Variants in MED12L observed in about 807,000 individuals in gnomAD.
The protein encoded by MED12L is mediator complex subunit 12L, also known as mediator of RNA polymerase II transcription subunit 12-like protein.
Under a neutral mutation model 281.3 loss-of-function variants are expected in MED12L, and 60 were observed. That is an observed-to-expected ratio of 0.21 (90% CI 0.17 to 0.26). The LOEUF is 0.26. MED12L is among the 10% of genes least tolerant of loss of function. The pLI is 1.00. For synonymous variants in MED12L, 974 were observed against 987.2 expected (o/e 0.99, Z 0.25); for missense variants, 2,146 against 2,680.9 (o/e 0.80, Z 4.41).
In MED12L at chr3:151,202,408, C is replaced by T. The variant is rs374611330; in HGVS notation, c.2250+8742C>T. On this transcript the variant is annotated intron_variant, in intron 16 of 44. Transcript: ENST00000687756. Reference sequence around the variant, plus strand: ...TAAACTGGCTGGGCACAGTGGCTCACGCCTGTAATCCCAGCACTTTGGGAG... The same window carrying T: ...TAAACTGGCTGGGCACAGTGGCTCATGCCTGTAATCCCAGCACTTTGGGAG... Among the ~76,000 whole-genome samples the T allele has an allele frequency of 4.5e-4, 69 of 152,360 alleles. No homozygotes were observed. The South Asian group carries it at 0.013, about 29-fold the overall frequency.
At position 151,164,033 on chromosome 3, in the gene MED12L, C is replaced by G. The variant is rs1720356241; in HGVS notation, c.1248C>G (p.Phe416Leu). The change falls in exon 9 of 45, where the codon TTC becomes TTG. Residue 416 changes from phenylalanine (F) to leucine (L), a missense_variant. Physicochemically the swap from Phe to Leu is conservative, Grantham distance 22. Transcript: ENST00000687756. ...CCATGCCGGGTGGGAACACGGCTTT[C>G]AATCAGCAGGTAGACTTTATGTTTC... ...SLPMPGGNTAFNQQVRARIYE... is the reference protein window; with the variant it reads ...SLPMPGGNTALNQQVRARIYE... 6.2e-7 allele frequency: 1 copy of G among 1,613,086 alleles called. No homozygotes were observed. Among genetic ancestry groups the G allele is most frequent in the African/African-American group, 1.3e-5 (1 of 74,888 alleles).
At chr3:151,328,676 A>G (rs1265053963) in intron 16 of MED12L, 23 of 1,613,698 alleles carry the variant, frequency 1.4e-5, no homozygotes, top group Non-Finnish European at 1.9e-5. Flanking sequence ...GCCCACATAC[A>G]TGGTCTCATA....
At chr3:151,211,793 G>C (rs1051500003) in intron 16 of MED12L, among the ~76,000 whole-genome samples, 1 of 152,106 alleles carries the variant, frequency 6.6e-6, no homozygotes, top group South Asian at 2.1e-4. Context: ...GACTATCGGC[G>C]TATGCCACGA....
intron 21 of MED12L, among the ~76,000 whole-genome samples, chr3:151,362,315 CT>C (rs1244803502): frequency 6.6e-6 from 1 of 152,098 alleles, no homozygotes; most frequent in Non-Finnish European, 1.5e-5. Flanking sequence ...CCATCCCTAC[CT>C]AGCCTTCAAG....
intron 13 of MED12L, among the ~76,000 whole-genome samples, chr3:151,190,201 C>T (rs1440971219): frequency 6.8e-6 from 1 of 147,338 alleles, no homozygotes; most frequent in Non-Finnish European, 1.5e-5. Context: ...GATGGAGTTT[C>T]GCTCTTGTCG....
rs369960769 is a variant in MED12L at position 151,342,255 on chromosome 3, A to G, written c.2251-7804A>G. 2.3e-4 allele frequency among the ~76,000 whole-genome samples: 35 copies of G among 152,230 alleles called. No homozygotes were observed. In the East Asian group the frequency reaches 2.3e-3, roughly 10 times the overall value. ...CCAACACCTGTGCTGCTTTAACTTTATGTAAATATTGCTTTGCAGAAACAC... is the reference window on the plus strand; with the variant it reads ...CCAACACCTGTGCTGCTTTAACTTTGTGTAAATATTGCTTTGCAGAAACAC... On this transcript the variant is annotated intron_variant, in intron 16 of 44. Transcript: ENST00000687756.
chr3:151,204,331 T>C (rs1011687920), intron 16 of MED12L, among the ~76,000 whole-genome samples: 1 of 152,148 alleles, frequency 6.6e-6, no homozygotes, highest in African/African-American at 2.4e-5. Context: ...GAGAAGTATC[T>C]AGCTAGGGAG....
At chr3:151,285,198 G>A (rs1743304151) in intron 16 of MED12L, among the ~76,000 whole-genome samples, 2 of 152,226 alleles carry the variant, frequency 1.3e-5, no homozygotes, top group South Asian at 4.1e-4. Flanking sequence ...ATAATACAGT[G>A]GACTGGCCGG....
chr3:151,360,438 T>A (rs1754472189), intron 20 of MED12L, 36 bp from the exon 21 acceptor site: 2 of 1,595,902 alleles, frequency 1.3e-6, no homozygotes, highest in Admixed American at 3.4e-5. Context: ...ATAGTACAAA[T>A]CTATGTCTTA....
chr3:151,119,478 G>A (rs969786175), intron 3 of MED12L, among the ~76,000 whole-genome samples: 2 of 152,056 alleles, frequency 1.3e-5, no homozygotes, highest in African/African-American at 4.8e-5. Context: ...GTGTTCCTCC[G>A]TGGTGTCTCC....
chr3:151,182,576 A>G (rs1247268584), intron 11 of MED12L, among the ~76,000 whole-genome samples: 1 of 152,140 alleles, frequency 6.6e-6, no homozygotes, highest in East Asian at 1.9e-4. Context: ...TAAGGAACGC[A>G]CTGGAGGGAA....
intron 17 of MED12L, among the ~76,000 whole-genome samples, chr3:151,354,706 A>G (rs1417682359): frequency 6.6e-6 from 1 of 152,220 alleles, no homozygotes; most frequent in Non-Finnish European, 1.5e-5. Context: ...AACACATTGG[A>G]ATACTGTAAA....
At chr3:151,358,422 G>T (rs1258055656) in intron 20 of MED12L, among the ~76,000 whole-genome samples, 1 of 152,088 alleles carries the variant, frequency 6.6e-6, no homozygotes, top group Non-Finnish European at 1.5e-5. Flanking sequence ...ATATCACATA[G>T]CTAATAAATC....
At chr3:151,169,208 C>T (rs1188767253) in intron 11 of MED12L, among the ~76,000 whole-genome samples, 1 of 146,804 alleles carries the variant, frequency 6.8e-6, no homozygotes, top group Non-Finnish European at 1.5e-5. Context: ...ACCTCCACTT[C>T]CTGGGTTCAA....
In MED12L at chr3:151,357,239, A is replaced by T; in HGVS notation, c.2688A>T (p.Glu896Asp). Residue 896 changes from glutamate to aspartate, a missense_variant, in exon 20 of 45, where the codon GAA (glutamate) becomes GAT (aspartate). Physicochemically the swap from Glu to Asp is conservative, Grantham distance 45 (BLOSUM62 2). This residue lies in a region of MED12L where 404 missense variants were observed against 603.5 expected (regional missense o/e 0.67). Transcript: ENST00000687756. ...TACTAAATGAACTGAGTGTTGTGGA[A>T]GCTGAACTGCTCCTAAAATCCTCCA... ...IQLLNELSVV[E>D]AELLLKSSSL... 6.2e-7 allele frequency: 1 copy of T among 1,612,646 alleles called. No homozygotes were observed. The highest frequency in any genetic ancestry group is 8.5e-7 in the Non-Finnish European group (1 of 1,179,336).
intron 16 of MED12L, chr3:151,199,164 A>G: frequency 6.2e-7 from 1 of 1,614,206 alleles, no homozygotes. Context: ...GCCACACCCA[A>G]GTCAACAACA....
chr3:151,209,025 G>T (rs1453486895), intron 16 of MED12L, among the ~76,000 whole-genome samples: 1 of 152,182 alleles, frequency 6.6e-6, no homozygotes, highest in Non-Finnish European at 1.5e-5. Context: ...GAAGTGGAGT[G>T]AAGTGGCTAG....
rs546121153 is a variant in MED12L, at chr3:151,416,171, C to T, written c.6298-141C>T. 1.5e-5 allele frequency: 22 copies of T among 1,479,720 alleles called. No homozygotes were observed. In the African/African-American group the frequency reaches 2.9e-4, roughly 20 times the overall value. 91.7% of individuals were successfully genotyped at this position (1,479,720 alleles called of 1,614,324 possible). A position where few individuals can be genotyped will look rare whatever the true frequency, so the allele number is the denominator to read the frequency against. On this transcript the variant is annotated intron_variant, in intron 42 of 44. Coordinates refer to ENST00000687756, the MANE Select transcript of MED12L (RefSeq NM_001393769.1). ...CCTCAAAAGGACGAATGAGGTTCAGCAAGGTAGAGATGCAGCAGGCAGGTA... is the reference window on the plus strand; with the variant it reads ...CCTCAAAAGGACGAATGAGGTTCAGTAAGGTAGAGATGCAGCAGGCAGGTA...
intron 16 of MED12L, chr3:151,328,798 CA>C: frequency 6.2e-7 from 1 of 1,613,850 alleles, no homozygotes; most frequent in Non-Finnish European, 8.5e-7. Flanking sequence ...AGTCGGCCAC[CA>C]AAGTGTTTTT....
Sources: allele counts gnomAD v4.1 joint callset (sites outside exome capture counted in the v4.1 genomes callset), GRCh38; gene constraint gnomAD v4.1.1; regional missense constraint gnomAD v4.1.1; transcripts MANE v1.5; gene names NCBI Gene and HGNC (gene_info 2026-07-23, HGNC 2026-07-21).